ADAM22: variants seen among roughly 807,000 people sequenced by gnomAD.
ADAM22 encodes ADAM metallopeptidase domain 22.
In ADAM22, 65 loss-of-function variants were observed where a neutral mutation model predicts 144.6. The ratio of observed to expected loss-of-function variants is 0.45; its 90% CI spans 0.37 to 0.55. ADAM22 has a LOEUF of 0.55. Among genes scored for constraint, ADAM22 ranks in the 20% least tolerant of loss-of-function variants. ADAM22 has a pLI of 0.00. For synonymous variants in ADAM22, 391 were observed against 412.6 expected (o/e 0.95, Z 0.63); for missense variants, 974 against 1,184.9 (o/e 0.82, Z 2.61).
intron 3 of ADAM22, among the ~76,000 whole-genome samples, chr7:87,983,068 A>G (rs1015395203): frequency 6.6e-6 from 1 of 152,042 alleles, no homozygotes; most frequent in East Asian, 1.9e-4. Flanking sequence ...GCTTAGTACC[A>G]TCATACTATT....
chr7:88,101,564 G>A (rs1031102759), intron 4 of ADAM22, among the ~76,000 whole-genome samples: 2 of 152,092 alleles, frequency 1.3e-5, no homozygotes, highest in Non-Finnish European at 2.9e-5. Context: ...TTTGATCCAG[G>A]CCAAAGCATC....
At chr7:88,113,728 A>G (rs1362700845) in intron 5 of ADAM22, among the ~76,000 whole-genome samples, 2 of 123,642 alleles carry the variant, frequency 1.6e-5, no homozygotes, top group Non-Finnish European at 3.3e-5. Flanking sequence ...ATATATATAT[A>G]TATATATATA....
At chr7:88,087,260 C>T (rs1818680855) in intron 4 of ADAM22, among the ~76,000 whole-genome samples, 1 of 152,124 alleles carries the variant, frequency 6.6e-6, no homozygotes, top group African/African-American at 2.4e-5. Context: ...ATATCTAATT[C>T]ATTTTTGGTA....
At chr7:88,164,900 G>A (rs1391311427) in intron 23 of ADAM22, among the ~76,000 whole-genome samples, 1 of 152,064 alleles carries the variant, frequency 6.6e-6, no homozygotes, top group Non-Finnish European at 1.5e-5. Flanking sequence ...AGTAAGACAG[G>A]AGTGATATGG....
chr7:88,121,535 C>G (rs1051140559), intron 7 of ADAM22, among the ~76,000 whole-genome samples: 3 of 152,148 alleles, frequency 2.0e-5, no homozygotes, highest in Non-Finnish European at 4.4e-5. Context: ...GAGTTTGTAG[C>G]GTAACTGTCA....
intron 2 of ADAM22, among the ~76,000 whole-genome samples, chr7:87,941,472 T>G (rs931090886): frequency 2.0e-5 from 3 of 152,140 alleles, no homozygotes; most frequent in Non-Finnish European, 4.4e-5. Context: ...AATTACAACT[T>G]TGGAAGTATT....
At chr7:88,196,348 AAG>A in intron 31 of ADAM22, 121 bp from the exon 32 acceptor site, 3 of 1,133,708 alleles carry the variant, frequency 2.6e-6, no homozygotes, top group Non-Finnish European at 4.0e-6. Context: ...TAGACTTTGC[AAG>A]AGTGTGCATC....
Position 88,013,190 on chromosome 7 carries a change from A to G in ADAM22, c.323+34778A>G, listed in dbSNP as rs143719940. On this transcript the variant is annotated intron_variant, in intron 3 of 31. Transcript: ENST00000413139. ...TAGCATCCAGTAGCTTCTGCTCCAG[A>G]TAAACTGATCTTAGCTATTATTCTC... Among the ~76,000 whole-genome samples, 617 of 152,282 alleles carry G rather than the reference A, an allele frequency of 4.1e-3. 1 individual carries two copies. The highest frequency in any genetic ancestry group is 0.014 in the African/African-American group (584 of 41,566).
At chr7:88,124,141 G>C (rs1829898435) in intron 7 of ADAM22, among the ~76,000 whole-genome samples, 1 of 151,746 alleles carries the variant, frequency 6.6e-6, no homozygotes. Flanking sequence ...TTGGTTGATA[G>C]TGTTAAGTCT....
chr7:87,994,994 A>G (rs776395667), intron 3 of ADAM22, among the ~76,000 whole-genome samples: 15 of 151,042 alleles, frequency 9.9e-5, no homozygotes, highest in Non-Finnish European at 2.1e-4. Flanking sequence ...CGCCTGGCTA[A>G]TTTTTTTTTG....
intron 29 of ADAM22, among the ~76,000 whole-genome samples, chr7:88,185,616 T>TTTTACATTATG (rs1184293261): frequency 5.9e-5 from 9 of 152,250 alleles, no homozygotes; most frequent in Non-Finnish European, 1.0e-4. Flanking sequence ...ATGGAATTTG[T>TTTTACATTATG]TAAATCTACA....
chr7:88,135,149 G>C (rs914206295), intron 13 of ADAM22, among the ~76,000 whole-genome samples: 1 of 151,312 alleles, frequency 6.6e-6, no homozygotes, highest in Non-Finnish European at 1.5e-5. Flanking sequence ...GTGGTGGCAG[G>C]CTCTTATAGT....
chr7:88,073,140 A>G (rs931901995), intron 3 of ADAM22, among the ~76,000 whole-genome samples: 7 of 152,366 alleles, frequency 4.6e-5, no homozygotes, highest in Admixed American at 3.9e-4. Flanking sequence ...TTGATTGTTC[A>G]AAGACAAATG....
intron 3 of ADAM22, among the ~76,000 whole-genome samples, chr7:88,067,312 T>G (rs1811504685): frequency 6.6e-6 from 1 of 151,608 alleles, no homozygotes; most frequent in Non-Finnish European, 1.5e-5. Context: ...TAGTTACATA[T>G]GTATACATGT....
At chr7:88,104,159 C>T (rs144990047) in intron 4 of ADAM22, among the ~76,000 whole-genome samples, 264 of 152,072 alleles carry the variant, frequency 1.7e-3, no homozygotes, top group African/African-American at 6.0e-3. Context: ...GGTTCACCCC[C>T]GTAATGGAAT....
chr7:88,135,378 T>C lies in ADAM22; in HGVS notation c.1169-602T>C, dbSNP rs183116703. ...AGTATTACTTCCATTTAGATACTCATTTAATTCTCCAGGTAATTCTACAGG... is the reference window on the plus strand; with the variant it reads ...AGTATTACTTCCATTTAGATACTCACTTAATTCTCCAGGTAATTCTACAGG... On this transcript the variant is annotated intron_variant, in intron 13 of 31. Transcript: ENST00000413139. Among the ~76,000 whole-genome samples the C allele has an allele frequency of 2.2e-3, 341 of 151,976 alleles. 2 individuals are homozygous for C. The highest frequency in any genetic ancestry group is 6.8e-3 in the African/African-American group (281 of 41,482).
chr7:87,978,311 A>AG (rs1279717819), intron 2 of ADAM22, 25 bp from the exon 3 acceptor site: 1 of 1,594,294 alleles, frequency 6.3e-7, no homozygotes, highest in East Asian at 2.2e-5. Flanking sequence ...GTAATAAATA[A>AG]CCTTTTTTCT....
At chr7:88,144,631 T>C (rs1835801946) in intron 15 of ADAM22, among the ~76,000 whole-genome samples, 1 of 152,102 alleles carries the variant, frequency 6.6e-6, no homozygotes, top group Non-Finnish European at 1.5e-5. Context: ...TCCTGAACAA[T>C]TTTCTGATGT....
chr7:88,176,035 C>T (rs113724365), intron 26 of ADAM22, among the ~76,000 whole-genome samples: 1,659 of 152,126 alleles, frequency 0.011, 24 homozygotes, highest in African/African-American at 0.037. Context: ...TGCAGTGGCG[C>T]GATCTCGGCT....
Sources: allele counts gnomAD v4.1 joint callset (sites outside exome capture counted in the v4.1 genomes callset), GRCh38; gene constraint gnomAD v4.1.1; transcripts MANE v1.5; gene names NCBI Gene and HGNC (gene_info 2026-07-23, HGNC 2026-07-21).